IL1RAPL1: variants seen among roughly 807,000 people sequenced by gnomAD.
IL1RAPL1 encodes interleukin 1 receptor accessory protein like 1.
IL1RAPL1 carries 3 observed loss-of-function variants against 48.4 expected under a neutral mutation model. The observed-to-expected ratio is 0.06, with a 90% CI of 0.03 to 0.16. The LOEUF (loss-of-function observed/expected upper bound fraction) is 0.16, where lower values mean the gene tolerates loss of function less well. IL1RAPL1 is among the 10% of genes least tolerant of loss of function. IL1RAPL1 has a pLI of 1.00. For synonymous variants in IL1RAPL1, 185 were observed against 187.7 expected (o/e 0.99, Z 0.12); for missense variants, 349 against 530.6 (o/e 0.66, Z 3.36).
chrX:28,790,514 G>A (rs1936524807), intron 2 of IL1RAPL1, among the ~76,000 whole-genome samples: 1 of 112,884 alleles, frequency 8.9e-6, no homozygotes, highest in Non-Finnish European at 1.9e-5. Context: ...AGTCTGAAGG[G>A]AAACTGGGGA....
intron 5 of IL1RAPL1, among the ~76,000 whole-genome samples, chrX:29,413,370 A>G (rs1042991184): frequency 9.0e-6 from 1 of 111,442 alleles, no homozygotes; most frequent in African/African-American, 3.3e-5. Flanking sequence ...TTTTATTATT[A>G]TACTTTAAGT....
intron 1 of IL1RAPL1, among the ~76,000 whole-genome samples, chrX:28,704,140 T>G (rs747752956): frequency 2.7e-5 from 3 of 111,857 alleles, no homozygotes; most frequent in Non-Finnish European, 5.6e-5. Context: ...TTCTTGCATG[T>G]TTTAACCCTT....
intron 6 of IL1RAPL1, among the ~76,000 whole-genome samples, chrX:29,789,610 T>C (rs1262207752): frequency 9.0e-6 from 1 of 111,273 alleles, no homozygotes; most frequent in African/African-American, 3.3e-5. Flanking sequence ...GGCAAGAGTT[T>C]GAAGTAAAAC....
chrX:29,000,139 C>T (rs916168902), intron 2 of IL1RAPL1, among the ~76,000 whole-genome samples: 2 of 110,965 alleles, frequency 1.8e-5, no homozygotes, highest in African/African-American at 3.3e-5. Context: ...CTGAATCTCC[C>T]GATGATATAG....
At chrX:29,600,238 C>T (rs1923677703) in intron 5 of IL1RAPL1, among the ~76,000 whole-genome samples, 3 of 112,156 alleles carry the variant, frequency 2.7e-5, no homozygotes, top group South Asian at 3.7e-4. Context: ...TGTTCTCCCC[C>T]TTCCCCTAGG....
At chrX:28,890,853 T>G (rs1301697642) in intron 2 of IL1RAPL1, among the ~76,000 whole-genome samples, 1 of 112,194 alleles carries the variant, frequency 8.9e-6, no homozygotes, top group Non-Finnish European at 1.9e-5. Context: ...CATGAATGAA[T>G]GACAATATTT....
intron 1 of IL1RAPL1, among the ~76,000 whole-genome samples, chrX:28,761,519 T>G (rs935955543): frequency 2.1e-4 from 23 of 111,446 alleles, no homozygotes; most frequent in Admixed American, 2.0e-3. Context: ...ATATACTAAC[T>G]TATAAGGGGA....
At chrX:29,080,306 A>G (rs987009672) in intron 2 of IL1RAPL1, among the ~76,000 whole-genome samples, 4 of 110,238 alleles carry the variant, frequency 3.6e-5, no homozygotes, top group African/African-American at 1.3e-4. Context: ...TTGAGCCCGG[A>G]AGATTGAGGT....
intron 5 of IL1RAPL1, among the ~76,000 whole-genome samples, chrX:29,529,626 A>G: frequency 2.3e-5 from 2 of 86,223 alleles, no homozygotes; most frequent in Middle Eastern, 0.012. Context: ...CCCAACAACA[A>G]CAAAGAAAAT....
chrX:29,778,780 G>T (rs1250001486), intron 6 of IL1RAPL1, among the ~76,000 whole-genome samples: 1 of 112,123 alleles, frequency 8.9e-6, no homozygotes, highest in East Asian at 2.8e-4. Flanking sequence ...GGTTCAGCCA[G>T]AAATATTTAC....
At chrX:28,595,866 AG>A (rs1315151002) in intron 1 of IL1RAPL1, among the ~76,000 whole-genome samples, 1 of 111,678 alleles carries the variant, frequency 9.0e-6, no homozygotes, top group Non-Finnish European at 1.9e-5. Flanking sequence ...ATGGTACTCA[AG>A]AGGCACCCAG....
rs772880360 is a variant in IL1RAPL1, at chrX:28,617,728, A to T, written c.-25+29681A>T. Among the ~76,000 whole-genome samples the T allele has an allele frequency of 1.5e-3, 168 of 112,668 alleles. 1 individual carries two copies. Among genetic ancestry groups the T allele is most frequent in the African/African-American group, 4.8e-3 (149 of 31,086 alleles). ...ACAGCCTTTCCTTGGCTTTGTTTAG[A>T]ATAGTTACAGAAATAGACTAATATT... On this transcript the variant is annotated intron_variant, in intron 1 of 10. Coordinates refer to ENST00000378993, the MANE Select transcript of IL1RAPL1 (RefSeq NM_014271.4).
At chrX:29,036,188 T>C (rs1353307280) in intron 2 of IL1RAPL1, among the ~76,000 whole-genome samples, 1 of 112,433 alleles carries the variant, frequency 8.9e-6, no homozygotes, top group Admixed American at 9.5e-5. Flanking sequence ...CAGTTATATT[T>C]GAAGAGAATC....
chrX:29,074,045 C>A (rs1927620444), intron 2 of IL1RAPL1, among the ~76,000 whole-genome samples: 1 of 111,471 alleles, frequency 9.0e-6, no homozygotes, highest in Non-Finnish European at 1.9e-5. Context: ...TTTGAGGGGG[C>A]AATTTATTGA....
chrX:29,449,776 C>CAGAGAGAG lies in IL1RAPL1; in HGVS notation c.703+50469_703+50470insGAGAGAGA, dbSNP rs773898620. ...ACACACACACACACACACACACACA[C>CAGAGAGAG]ACACAGAGAGAGAGAGAGAGAGAAT... On this transcript the variant is annotated intron_variant, in intron 5 of 10. Transcript: ENST00000378993. 7.1e-3 allele frequency among the ~76,000 whole-genome samples: 321 copies of CAGAGAGAG among 44,910 alleles called. 1 individual carries two copies. Among genetic ancestry groups the CAGAGAGAG allele is most frequent in the African/African-American group, 0.034 (308 of 8,960 alleles). 39.0% of individuals were successfully genotyped at this position (44,910 alleles called of 115,157 possible). A position where few individuals can be genotyped will look rare whatever the true frequency, so the allele number is the denominator to read the frequency against.
chrX:29,138,304 CA>C (rs964804111), intron 2 of IL1RAPL1, among the ~76,000 whole-genome samples: 1 of 112,037 alleles, frequency 8.9e-6, no homozygotes, highest in African/African-American at 3.2e-5. Context: ...TATTTCACTA[CA>C]AAAAAATGTC....
intron 3 of IL1RAPL1, chrX:29,369,234 A>G (rs916872866): frequency 2.7e-5 from 3 of 110,292 alleles, no homozygotes; most frequent in Non-Finnish European, 5.7e-5. Context: ...GAGCGGCAGA[A>G]GCAGCAGCAG....
intron 8 of IL1RAPL1, among the ~76,000 whole-genome samples, chrX:29,936,434 G>A (rs1039361968): frequency 6.5e-5 from 7 of 108,101 alleles, no homozygotes; most frequent in South Asian, 4.0e-4. Context: ...TATAATGAAC[G>A]AACCAACTTT....
At chrX:29,825,447 CTA>C (rs767447829) in intron 6 of IL1RAPL1, among the ~76,000 whole-genome samples, 1 of 111,682 alleles carries the variant, frequency 9.0e-6, no homozygotes, top group South Asian at 3.8e-4. Context: ...TTTGATGTCC[CTA>C]GTTTCCTTTC....
Sources: allele counts gnomAD v4.1 joint callset (sites outside exome capture counted in the v4.1 genomes callset), GRCh38; gene constraint gnomAD v4.1.1; transcripts MANE v1.5; gene names NCBI Gene and HGNC (gene_info 2026-07-23, HGNC 2026-07-21).